Variants in ANKS1B observed in about 807,000 individuals in gnomAD.
The protein encoded by ANKS1B is ankyrin repeat and sterile alpha motif domain containing 1B, also known as ankyrin repeat and sterile alpha motif domain-containing protein 1B.
Under a neutral mutation model 148.3 loss-of-function variants are expected in ANKS1B, and 36 were observed. The observed-to-expected ratio is 0.24, with a 90% confidence interval of 0.19 to 0.32. The LOEUF (loss-of-function observed/expected upper bound fraction) is 0.32, where lower values mean the gene tolerates loss of function less well. ANKS1B is among the 10% of genes least tolerant of loss of function. The pLI, the probability that ANKS1B is intolerant of heterozygous loss-of-function variation, is 1.00. For missense variants in ANKS1B, 1,157 were observed against 1,542.6 expected, an observed-to-expected ratio of 0.75 and a Z score of 4.19; for synonymous variants, 542 against 560.8, an observed-to-expected ratio of 0.97 and a Z score of 0.47.
chr12:99,575,038 C>T lies in ANKS1B; in HGVS notation c.1273-70397G>A, dbSNP rs565277091. Among the ~76,000 whole-genome samples, 6 of 152,158 alleles carry T rather than the reference C, an allele frequency of 3.9e-5. No homozygotes were observed. In the South Asian group the frequency reaches 1.0e-3, roughly 26 times the overall value. ...ACGAAATACTACAGAACTTTAAAAG[C>T]TACTAAAACTAATAAGTGATTATAC... On this transcript the variant is annotated intron_variant, in intron 9 of 26. Transcript: ENST00000683438.
At chr12:99,250,282 G>C (rs116582818) in intron 12 of ANKS1B, among the ~76,000 whole-genome samples, 142 of 152,312 alleles carry the variant, frequency 9.3e-4, no homozygotes, top group African/African-American at 3.1e-3. Context: ...AGATGAAGGA[G>C]GTAATTGGGA....
At chr12:99,072,173 C>A (rs1030154185) in intron 16 of ANKS1B, among the ~76,000 whole-genome samples, 23 of 152,052 alleles carry the variant, frequency 1.5e-4, no homozygotes, top group African/African-American at 5.1e-4. Flanking sequence ...CAGTCATGGG[C>A]ATTTTTAGTC....
At chr12:98,975,085 T>C (rs1487006097) in intron 17 of ANKS1B, among the ~76,000 whole-genome samples, 2 of 128,742 alleles carry the variant, frequency 1.6e-5, no homozygotes, top group South Asian at 3.2e-4. Context: ...TCTCCCTCCT[T>C]CCCTACTTCC....
intron 14 of ANKS1B, among the ~76,000 whole-genome samples, chr12:99,198,125 G>T (rs1234596638): frequency 6.6e-6 from 1 of 151,948 alleles, no homozygotes; most frequent in Admixed American, 6.6e-5. Context: ...AGGAATATGT[G>T]ACTCCTAGGA....
intron 1 of ANKS1B, among the ~76,000 whole-genome samples, chr12:99,925,560 A>G (rs1048332569): frequency 6.6e-5 from 10 of 152,172 alleles, no homozygotes; most frequent in Admixed American, 2.6e-4. Context: ...ATAGTTATCA[A>G]TGTATTTTCT....
At chr12:99,174,376 A>T (rs1226452750) in intron 14 of ANKS1B, among the ~76,000 whole-genome samples, 1 of 152,226 alleles carries the variant, frequency 6.6e-6, no homozygotes, top group Non-Finnish European at 1.5e-5. Context: ...TGACCCACAG[A>T]AATTGCGAGA....
chr12:98,762,112 A>C (rs2098415861), intron 25 of ANKS1B, among the ~76,000 whole-genome samples: 1 of 152,238 alleles, frequency 6.6e-6, no homozygotes, highest in Admixed American at 6.5e-5. Flanking sequence ...TCCAGGGCAG[A>C]AAAGCTTGGG....
At chr12:99,755,609 A>C (rs1414578430) in intron 8 of ANKS1B, among the ~76,000 whole-genome samples, 6 of 143,554 alleles carry the variant, frequency 4.2e-5, no homozygotes, top group South Asian at 2.2e-4. Context: ...AAAAAAAAAA[A>C]AAAACTGACA....
intron 20 of ANKS1B, among the ~76,000 whole-genome samples, chr12:98,805,497 G>C (rs969903447): frequency 6.6e-6 from 1 of 152,116 alleles, no homozygotes; most frequent in African/African-American, 2.4e-5. Context: ...TAAATCTGTA[G>C]TCTGGGTGAG....
At chr12:99,555,658 A>ATT (rs1020361032) in intron 9 of ANKS1B, among the ~76,000 whole-genome samples, 1 of 152,184 alleles carries the variant, frequency 6.6e-6, no homozygotes, top group African/African-American at 2.4e-5. Flanking sequence ...AGGAGGTTGA[A>ATT]TTTTATCAAA....
intron 15 of ANKS1B, among the ~76,000 whole-genome samples, chr12:99,134,705 C>T (rs988978757): frequency 7.0e-6 from 1 of 143,208 alleles, no homozygotes; most frequent in Non-Finnish European, 1.5e-5. Flanking sequence ...ACACACCAGG[C>T]ATTTACCCTC....
chr12:99,203,679 C>T (rs1205422698), intron 14 of ANKS1B, among the ~76,000 whole-genome samples: 1 of 152,104 alleles, frequency 6.6e-6, no homozygotes, highest in Non-Finnish European at 1.5e-5. Context: ...TCTTGATCTC[C>T]TGACCTCGTG....
chr12:99,525,898 A>G (rs2096922211), intron 9 of ANKS1B, among the ~76,000 whole-genome samples: 1 of 152,042 alleles, frequency 6.6e-6, no homozygotes, highest in Non-Finnish European at 1.5e-5. Context: ...GAGACAAAAA[A>G]TTTGGGAAAA....
At chr12:99,551,738 A>G (rs1416770886) in intron 9 of ANKS1B, among the ~76,000 whole-genome samples, 21 of 152,140 alleles carry the variant, frequency 1.4e-4, no homozygotes, top group Non-Finnish European at 2.2e-4. Context: ...TTGAGACACA[A>G]AAATCTCTGG....
At chr12:99,241,009 A>C (rs906222617) in intron 14 of ANKS1B, among the ~76,000 whole-genome samples, 11 of 152,262 alleles carry the variant, frequency 7.2e-5, no homozygotes, top group South Asian at 2.1e-4. Flanking sequence ...AGAGCAAACA[A>C]ATTCAAAAGC....
chr12:99,787,641 G>A (rs1766843504), intron 4 of ANKS1B, among the ~76,000 whole-genome samples: 1 of 152,196 alleles, frequency 6.6e-6, no homozygotes, highest in Admixed American at 6.5e-5. Context: ...ACACAGAAGA[G>A]CATTGTCACA....
chr12:99,661,145 C>T (rs888243728), intron 8 of ANKS1B, among the ~76,000 whole-genome samples: 1 of 152,104 alleles, frequency 6.6e-6, no homozygotes, highest in Non-Finnish European at 1.5e-5. Flanking sequence ...CCTCCACAAA[C>T]AAGTTTTATT....
chr12:98,740,395 A>T (rs1000792961), downstream of ANKS1B, among the ~76,000 whole-genome samples: 10 of 152,204 alleles, frequency 6.6e-5, no homozygotes, highest in African/African-American at 2.4e-4. Flanking sequence ...CCAATGCAGC[A>T]TGCCCCTTTG....
At chr12:99,979,216 G>A (rs779139936) in intron 1 of ANKS1B, among the ~76,000 whole-genome samples, 1 of 152,096 alleles carries the variant, frequency 6.6e-6, no homozygotes, top group African/African-American at 2.4e-5. Flanking sequence ...AGGATGAAAG[G>A]GGGTAGTAAG....
Sources: allele counts gnomAD v4.1 joint callset (sites outside exome capture counted in the v4.1 genomes callset), GRCh38; gene constraint gnomAD v4.1.1; transcripts MANE v1.5; gene names NCBI Gene and HGNC (gene_info 2026-07-23, HGNC 2026-07-21).